METTL4: variants seen among roughly 807,000 people sequenced by gnomAD.
The protein encoded by METTL4 is methyltransferase 4, N6-adenosine.
In METTL4, 40 loss-of-function variants were observed where a neutral mutation model predicts 54.0. The ratio of observed to expected loss-of-function variants is 0.74; its 90% CI spans 0.58 to 0.96. The LOEUF is 0.96. Among genes scored for constraint, METTL4 ranks in the 50% least tolerant of loss-of-function variants. The pLI is 0.00. For missense variants in METTL4, 525 were observed against 549.0 expected, an observed-to-expected ratio of 0.96 and a Z score of 0.44; for synonymous variants, 169 against 183.8, an observed-to-expected ratio of 0.92 and a Z score of 0.65.
At chr18:2,543,185 G>T (rs1428884639) in intron 8 of METTL4, among the ~76,000 whole-genome samples, 1 of 151,446 alleles carries the variant, frequency 6.6e-6, no homozygotes, top group Non-Finnish European at 1.5e-5. Flanking sequence ...AATCCTAAGT[G>T]CTAGCAATAA....
At chr18:2,566,388 T>C (rs1040605314) in intron 2 of METTL4, among the ~76,000 whole-genome samples, 3 of 152,298 alleles carry the variant, frequency 2.0e-5, no homozygotes, top group Middle Eastern at 3.4e-3. Context: ...CTCCAAGGGA[T>C]AGCTCTCTAA....
At chr18:2,544,571 TA>T in intron 7 of METTL4, 81 bp downstream of exon 7, 1 of 938,304 alleles carries the variant, frequency 1.1e-6, no homozygotes, top group Non-Finnish European at 1.6e-6. Context: ...ATAAACATTT[TA>T]AAAAGTCAAT....
Position 2,539,114 on chromosome 18 carries a change from C to G in METTL4, c.1305G>C (p.Gly435=). 6.2e-7 allele frequency: 1 copy of G among 1,613,936 alleles called. No individual in the cohort carries two copies. Among genetic ancestry groups the G allele is most frequent in the Non-Finnish European group, 8.5e-7 (1 of 1,179,886 alleles). ...EVLKDYIKPD[G]EYLELFARNL... ...TTCGAGCAAACAACTCCAAATATTC[C>G]CCATCTGGCTTGATGTAGTCTTTTA... The change falls in exon 9 of 9, where the codon GGG becomes GGC. Residue 435 remains glycine, a synonymous_variant. Transcript: ENST00000574538.
intron 2 of METTL4, among the ~76,000 whole-genome samples, chr18:2,566,046 C>CAAT (rs1555616203): frequency 1.2e-5 from 1 of 82,874 alleles, no homozygotes; most frequent in African/African-American, 5.6e-5. Flanking sequence ...GACTCTGTCT[C>CAAT]AAATAAATAA....
chr18:2,559,362 G>A (rs2143559297), intron 3 of METTL4, among the ~76,000 whole-genome samples: 1 of 151,862 alleles, frequency 6.6e-6, no homozygotes, highest in Non-Finnish European at 1.5e-5. Context: ...AAAAGGGCAA[G>A]TATTATGTGA....
intron 8 of METTL4, chr18:2,540,834 G>T (rs755470987): frequency 8.1e-6 from 8 of 985,276 alleles, no homozygotes; most frequent in Non-Finnish European, 8.4e-6. Flanking sequence ...CATTTGTTCA[G>T]ATTTTTGGTA....
In METTL4 at chr18:2,566,749, T is replaced by C. The variant is rs775386163; in HGVS notation, c.396+72A>G. 15 of 1,227,792 alleles carry C rather than the reference T, an allele frequency of 1.2e-5. 1 individual carries two copies. The South Asian group carries it at 1.8e-4, about 15-fold the overall frequency. The allele number at this position is 1,227,792 out of a possible 1,614,324, so 76.1% of individuals were successfully genotyped here. On this transcript the variant is annotated intron_variant, in intron 2 of 8. Coordinates refer to ENST00000574538, the MANE Select transcript of METTL4 (RefSeq NM_022840.5). ...TTTATACTTAACGAATCACCAGATA[T>C]TTAAGACATTTAGATAATAAATCTC... is the stretch of plus-strand genomic sequence containing the variant.
intron 3 of METTL4, chr18:2,555,323 T>C: frequency 2.8e-6 from 1 of 353,128 alleles, no homozygotes; most frequent in Non-Finnish European, 5.2e-6. Flanking sequence ...ATCTGAATGT[T>C]TCTAGAAGAA....
chr18:2,566,718 T>A, intron 2 of METTL4, 103 bp downstream of exon 2: 1 of 958,366 alleles, frequency 1.0e-6, no homozygotes, highest in Admixed American at 3.5e-5. Flanking sequence ...GTTTTACTGA[T>A]TCTTCTTTAT....
intron 6 of METTL4, among the ~76,000 whole-genome samples, chr18:2,547,020 A>G (rs1464832421): frequency 6.6e-6 from 1 of 152,172 alleles, no homozygotes; most frequent in Non-Finnish European, 1.5e-5. Context: ...GAAGAGTAAG[A>G]CTATTTCTAT....
At chr18:2,563,893 T>A in intron 2 of METTL4, 34 bp from the exon 3 acceptor site, 1 of 1,517,008 alleles carries the variant, frequency 6.6e-7, no homozygotes, top group Non-Finnish European at 9.1e-7. Context: ...GGAAAAGTTA[T>A]GTTGCCATTA....
At chr18:2,565,006 G>T (rs1279182759) in intron 2 of METTL4, among the ~76,000 whole-genome samples, 1 of 152,126 alleles carries the variant, frequency 6.6e-6, no homozygotes, top group Non-Finnish European at 1.5e-5. Flanking sequence ...GGAAAAAGGG[G>T]ACTGGGCATG....
Position 2,571,502 on chromosome 18 carries a change from A to C in METTL4, c.-792T>G, listed in dbSNP as rs1189911605. 1 of 152,258 alleles carries C rather than the reference A, an allele frequency of 6.6e-6. No homozygotes were observed. The highest frequency in any genetic ancestry group is 6.5e-5 in the Admixed American group (1 of 15,284). The allele number at this position is 152,258 out of a possible 1,614,324, so 9.4% of individuals were successfully genotyped here. On this transcript the variant is annotated 5_prime_UTR_variant, in exon 1 of 9. It removes an upstream start codon present in the reference 5' UTR. Coordinates refer to ENST00000574538, the MANE Select transcript of METTL4 (RefSeq NM_022840.5). Reference sequence around the variant, plus strand: ...AGCCTTCCAGCGACGAGGCGGTCGCATGGAAGTTACTGCGCGCGTCGTGCG... The same window carrying C: ...AGCCTTCCAGCGACGAGGCGGTCGCCTGGAAGTTACTGCGCGCGTCGTGCG...
intron 4 of METTL4, 91 bp downstream of exon 4, chr18:2,554,578 C>G: frequency 8.5e-7 from 1 of 1,172,736 alleles, no homozygotes; most frequent in Non-Finnish European, 1.2e-6. Context: ...CTCATAAATG[C>G]TGACCCATCT....
At chr18:2,570,885 G>A (rs779565318) in intron 1 of METTL4, among the ~76,000 whole-genome samples, 46 of 152,154 alleles carry the variant, frequency 3.0e-4, no homozygotes, top group Non-Finnish European at 6.0e-4. Context: ...CAAACTCACA[G>A]CAGCGAGGAA....
chr18:2,565,736 GTTTGTTCGGTGAGTAATGAATGTTAA>G (rs1387562224), intron 2 of METTL4, among the ~76,000 whole-genome samples: 3 of 152,052 alleles, frequency 2.0e-5, no homozygotes, highest in Non-Finnish European at 4.4e-5. Context: ...GAGCTCAAAC[GTTTGTTCGGTGAGTAATGAATGTTAA>G]TCCTATCACT....
rs118169325 is a variant in METTL4, at chr18:2,548,436, A to C, written c.900-907T>G. On this transcript the variant is annotated intron_variant, in intron 5 of 8. Coordinates refer to ENST00000574538, the MANE Select transcript of METTL4 (RefSeq NM_022840.5). ...GCTATGTTAACCTCTACTGTTCCTC[A>C]CTGAATCCATTTCATCCTCAACATA... Among the ~76,000 whole-genome samples the C allele has an allele frequency of 6.2e-3, 950 of 152,158 alleles. 10 individuals are homozygous for C. Among genetic ancestry groups the C allele is most frequent in the Middle Eastern group, 0.031 (9 of 294 alleles).
chr18:2,546,262 A>AAGTAC (rs1485335345), intron 6 of METTL4, among the ~76,000 whole-genome samples: 1 of 152,124 alleles, frequency 6.6e-6, no homozygotes, highest in Non-Finnish European at 1.5e-5. Flanking sequence ...AGAGATAGGT[A>AAGTAC]AGTACAGTAC....
intron 3 of METTL4, among the ~76,000 whole-genome samples, chr18:2,559,727 C>A (rs1353555553): frequency 6.6e-6 from 1 of 152,096 alleles, no homozygotes; most frequent in Non-Finnish European, 1.5e-5. Flanking sequence ...GAAATGAACA[C>A]ATTTCTGTTT....
Sources: gnomAD v4.1 joint callset for allele counts (sites outside exome capture counted in the v4.1 genomes callset) on GRCh38, gnomAD v4.1.1 for gene constraint, MANE v1.5 for transcripts, NCBI Gene and HGNC (gene_info 2026-07-23, HGNC 2026-07-21) for gene names.